Variants in RELN observed in about 807,000 individuals in gnomAD.
RELN encodes the protein reelin.
Under a neutral mutation model 427.6 loss-of-function variants are expected in RELN, and 108 were observed. The observed-to-expected ratio is 0.25, with a 90% CI of 0.22 to 0.30. The LOEUF is 0.30. Among genes scored for constraint, RELN ranks in the 10% least tolerant of loss-of-function variants. RELN has a pLI of 1.00. For missense variants in RELN, 3,715 were observed against 4,302.8 expected, an observed-to-expected ratio of 0.86 and a Z score of 3.82; for synonymous variants, 1,524 against 1,513.4, an observed-to-expected ratio of 1.01 and a Z score of -0.16.
Position 103,926,099 on chromosome 7 carries a change from C to CTTTTTTTTTTTTTTTTT in RELN, c.227-8931_227-8915dup, listed in dbSNP as rs55899563. 7.8e-5 allele frequency among the ~76,000 whole-genome samples: 7 copies of CTTTTTTTTTTTTTTTTT among 90,074 alleles called. 2 individuals are homozygous for CTTTTTTTTTTTTTTTTT. The highest frequency in any genetic ancestry group is 2.9e-4 in the Admixed American group (2 of 6,872). The allele number at this position is 90,074 out of a possible 152,430, so 59.1% of individuals were successfully genotyped here. ...CATAAATATATGACCCCCACCCCGC[C>CTTTTTTTTTTTTTTTTT]TTTTTTTTTTTTTTTTTTTTGAGAT... On this transcript the variant is annotated intron_variant, in intron 1 of 64. Transcript: ENST00000428762.
chr7:103,684,856 G>A (rs946818599), intron 10 of RELN, among the ~76,000 whole-genome samples: 1 of 152,030 alleles, frequency 6.6e-6, no homozygotes, highest in Non-Finnish European at 1.5e-5. Context: ...CATATGCCTA[G>A]CAAAGGTGAT....
At chr7:103,712,539 A>G (rs973276505) in intron 8 of RELN, among the ~76,000 whole-genome samples, 1 of 152,230 alleles carries the variant, frequency 6.6e-6, no homozygotes, top group Admixed American at 6.5e-5. Context: ...AATATGGTGC[A>G]TATGCCATGC....
chr7:103,598,173 A>C (rs761317739), intron 24 of RELN, among the ~76,000 whole-genome samples: 1 of 152,222 alleles, frequency 6.6e-6, no homozygotes, highest in Non-Finnish European at 1.5e-5. Context: ...GTCTAAAGCC[A>C]ATTAAGAGTT....
At chr7:103,625,795 T>TA (rs1832316547) in intron 20 of RELN, among the ~76,000 whole-genome samples, 1 of 151,942 alleles carries the variant, frequency 6.6e-6, no homozygotes, top group Non-Finnish European at 1.5e-5. Context: ...CTTTTGATGT[T>TA]ACTGTTTTGA....
chr7:103,774,180 C>T (rs975912804), intron 4 of RELN, among the ~76,000 whole-genome samples: 1 of 151,686 alleles, frequency 6.6e-6, no homozygotes, highest in Admixed American at 6.6e-5. Context: ...ACCTGTAATC[C>T]CAGCTACTCA....
intron 6 of RELN, among the ~76,000 whole-genome samples, chr7:103,748,344 A>G (rs978295382): frequency 1.3e-5 from 2 of 152,084 alleles, no homozygotes; most frequent in Non-Finnish European, 2.9e-5. Flanking sequence ...TTTCTAGAAA[A>G]GAAATAAAAG....
chr7:103,759,106 A>T lies in RELN; in HGVS notation c.545-5892T>A, dbSNP rs143717254. Among the ~76,000 whole-genome samples the T allele has an allele frequency of 3.7e-4, 57 of 152,262 alleles. No homozygotes were observed. The East Asian group carries it at 0.01, about 27-fold the overall frequency. ...TTTAGAAGGTACTTTAAAGTTTGAA[A>T]AAAATAGATTGCTTATAGAACTTCT... On this transcript the variant is annotated intron_variant, in intron 4 of 64. Coordinates refer to ENST00000428762, the MANE Select transcript of RELN (RefSeq NM_005045.4).
chr7:103,882,147 A>G (rs1794621859), intron 2 of RELN, among the ~76,000 whole-genome samples: 1 of 152,228 alleles, frequency 6.6e-6, no homozygotes, highest in African/African-American at 2.4e-5. Context: ...AGGAGAAATA[A>G]TGAAAATAAC....
chr7:103,554,755 T>C (rs1415928575), intron 38 of RELN, among the ~76,000 whole-genome samples: 1 of 151,748 alleles, frequency 6.6e-6, no homozygotes, highest in Non-Finnish European at 1.5e-5. Context: ...GGGTTTTGAG[T>C]TGTGTTTTAG....
chr7:103,640,887 A>G lies in RELN; in HGVS notation c.2003-278T>C, dbSNP rs565417657. On this transcript the variant is annotated intron_variant, in intron 16 of 64. Transcript: ENST00000428762. This position sits in a 1 kb window ranked among gnomAD's most constrained non-coding sequence, Gnocchi z 4.1. ...TTCTTAATAGAGTCTATTAGACAAT[A>G]TTAGCGCTTCTGCCTTGAACATTCT... Among the ~76,000 whole-genome samples the G allele has an allele frequency of 2.0e-5, 3 of 152,184 alleles. No individual in the cohort carries two copies. The highest frequency in any genetic ancestry group is 4.4e-5 in the Non-Finnish European group (3 of 68,016).
chr7:103,696,500 C>G (rs1833978579), intron 10 of RELN, among the ~76,000 whole-genome samples: 1 of 152,076 alleles, frequency 6.6e-6, no homozygotes, highest in Non-Finnish European at 1.5e-5. Flanking sequence ...TCCCATGAAC[C>G]TGCTCCTTCA....
intron 64 of RELN, among the ~76,000 whole-genome samples, chr7:103,475,522 A>T (rs1467860729): frequency 6.6e-6 from 1 of 152,252 alleles, no homozygotes; most frequent in Non-Finnish European, 1.5e-5. Context: ...GTTTAAAGGT[A>T]TAAGGTACTC....
intron 43 of RELN, 130 bp downstream of exon 43, chr7:103,542,601 A>T (rs1454794605): frequency 1.1e-6 from 1 of 890,266 alleles, no homozygotes. Flanking sequence ...AGCTTTGATA[A>T]AGAGAGAAGT....
At chr7:103,950,545 A>AT (rs1796311758) in intron 1 of RELN, among the ~76,000 whole-genome samples, 1 of 152,216 alleles carries the variant, frequency 6.6e-6, no homozygotes, top group Non-Finnish European at 1.5e-5. Flanking sequence ...ATGTGCCCAT[A>AT]TTTATGCAAA....
chr7:103,700,003 A>G (rs1418706981), intron 9 of RELN, among the ~76,000 whole-genome samples: 4 of 152,058 alleles, frequency 2.6e-5, no homozygotes, highest in African/African-American at 4.8e-5. Flanking sequence ...GCTTAATATT[A>G]TACTGACAGC....
At chr7:103,634,154 C>T (rs919210846) in intron 19 of RELN, among the ~76,000 whole-genome samples, 3 of 152,102 alleles carry the variant, frequency 2.0e-5, no homozygotes, top group African/African-American at 4.8e-5. Context: ...TATCCTCAGT[C>T]CCCTCTCTCC....
At chr7:103,964,095 G>C (rs1347648908) in intron 1 of RELN, among the ~76,000 whole-genome samples, 2 of 152,090 alleles carry the variant, frequency 1.3e-5, no homozygotes, top group East Asian at 3.9e-4. Flanking sequence ...GGAGGTGGAG[G>C]CTGCAGTGAG....
At chr7:103,624,980 C>T (rs1832298214) in intron 20 of RELN, among the ~76,000 whole-genome samples, 1 of 152,124 alleles carries the variant, frequency 6.6e-6, no homozygotes, top group Non-Finnish European at 1.5e-5. Context: ...TACAGGTATC[C>T]ATCTTTAAAT....
chr7:103,959,796 G>T (rs1406180710), intron 1 of RELN, among the ~76,000 whole-genome samples: 5 of 151,938 alleles, frequency 3.3e-5, no homozygotes, highest in Non-Finnish European at 7.4e-5. Context: ...AGTTTTTGTG[G>T]AGATGGGGTC....
Sources: gnomAD v4.1 joint callset for allele counts (sites outside exome capture counted in the v4.1 genomes callset) on GRCh38, gnomAD v4.1.1 for gene constraint, Gnocchi (gnomAD v3.1) non-coding constraint, MANE v1.5 for transcripts, NCBI Gene and HGNC (gene_info 2026-07-23, HGNC 2026-07-21) for gene names.